The following GXYLT2 variants were observed in gnomAD, a reference collection of about 807,000 sequenced individuals.
GXYLT2 encodes the protein glucoside xylosyltransferase 2, also known as glycosyltransferase 8 domain containing 4.
GXYLT2 carries 53 observed loss-of-function variants against 45.8 expected under a neutral mutation model. The observed-to-expected ratio is 1.16, with a 90% CI of 0.93 to 1.46. The LOEUF is 1.46. Among genes scored for constraint, GXYLT2 ranks in the 40% most tolerant of loss-of-function variants. The pLI is 0.00. For missense variants in GXYLT2, 551 were observed against 544.4 expected (o/e 1.01, Z -0.12); for synonymous variants, 219 against 214.2 (o/e 1.02, Z -0.19).
intron 5 of GXYLT2, among the ~76,000 whole-genome samples, chr3:72,961,186 G>C (rs553287434): frequency 6.2e-4 from 94 of 152,254 alleles, no homozygotes; most frequent in African/African-American, 1.6e-3. Flanking sequence ...CTTCATCAAG[G>C]GGTGGAAAAC....
chr3:72,899,666 T>G (rs544303633), intron 1 of GXYLT2, among the ~76,000 whole-genome samples: 1 of 152,262 alleles, frequency 6.6e-6, no homozygotes, highest in East Asian at 1.9e-4. Flanking sequence ...GCTATAATTA[T>G]CCATCGCCGG....
Position 72,923,137 on chromosome 3 carries a change from C to T in GXYLT2, c.600+802C>T, listed in dbSNP as rs182597019. 2.1e-4 allele frequency among the ~76,000 whole-genome samples: 32 copies of T among 152,218 alleles called. 1 individual carries two copies. Among genetic ancestry groups the T allele is most frequent in the Middle Eastern group, 6.8e-3 (2 of 294 alleles). ...AGGCTTGGTGGTGTATGTCTGTAAT[C>T]CCAGCTACTCAGGAGGCTGAGGCAA... is the stretch of plus-strand genomic sequence containing the variant. On this transcript the variant is annotated intron_variant, in intron 3 of 6. Coordinates refer to ENST00000389617, the MANE Select transcript of GXYLT2 (RefSeq NM_001080393.2).
At position 72,888,164 on chromosome 3, in the gene GXYLT2, A is replaced by T. The variant is rs1709100771; in HGVS notation, c.-70A>T. On this transcript the variant is annotated 5_prime_UTR_variant, in exon 1 of 7. Coordinates refer to ENST00000389617, the MANE Select transcript of GXYLT2 (RefSeq NM_001080393.2). ...GCGACCGCCGCGCGCTGCTGCACTC[A>T]TCCTGCCGCCGCCGCGATGCGCAGA... The T allele has an allele frequency of 7.3e-6, 7 of 964,702 alleles. No homozygotes were observed. The highest frequency in any genetic ancestry group is 1.8e-5 in the African/African-American group (1 of 55,410). 59.8% of individuals were successfully genotyped at this position (964,702 alleles called of 1,614,324 possible). A position where few individuals can be genotyped will look rare whatever the true frequency, so the allele number is the denominator to read the frequency against.
At chr3:72,936,340 T>G (rs1575800365) in intron 3 of GXYLT2, among the ~76,000 whole-genome samples, 1 of 135,122 alleles carries the variant, frequency 7.4e-6, no homozygotes, top group African/African-American at 2.8e-5. Flanking sequence ...AATCAGGAAG[T>G]CGTGGAAGAA....
At chr3:72,963,849 A>AT (rs1710813022) in intron 5 of GXYLT2, among the ~76,000 whole-genome samples, 1 of 151,656 alleles carries the variant, frequency 6.6e-6, no homozygotes, top group Non-Finnish European at 1.5e-5. Context: ...ATTTTTTTGT[A>AT]TTTTTAGTAG....
intron 3 of GXYLT2, among the ~76,000 whole-genome samples, chr3:72,943,490 C>T (rs1279093459): frequency 6.6e-6 from 1 of 151,846 alleles, no homozygotes. Context: ...GATCCTCCCT[C>T]CTCAGCCTCC....
chr3:72,949,621 C>T (rs904264842), intron 3 of GXYLT2, among the ~76,000 whole-genome samples: 6 of 142,262 alleles, frequency 4.2e-5, no homozygotes, highest in Non-Finnish European at 6.0e-5. Flanking sequence ...AGGCGATTCT[C>T]CTGCCTCAGC....
At chr3:72,948,328 G>A (rs997846897) in intron 3 of GXYLT2, among the ~76,000 whole-genome samples, 2 of 152,104 alleles carry the variant, frequency 1.3e-5, no homozygotes, top group African/African-American at 4.8e-5. Context: ...TTTATCAAAT[G>A]TACAGGGAAC....
chr3:72,932,774 G>C (rs1266728430), intron 3 of GXYLT2, among the ~76,000 whole-genome samples: 2 of 152,228 alleles, frequency 1.3e-5, no homozygotes, highest in Non-Finnish European at 2.9e-5. Flanking sequence ...AATATACAAA[G>C]TGTGGCCTTT....
chr3:72,934,080 C>CTT (rs375690427), intron 3 of GXYLT2, among the ~76,000 whole-genome samples: 10 of 121,038 alleles, frequency 8.3e-5, no homozygotes, highest in South Asian at 8.0e-4. Flanking sequence ...TAATTTTATT[C>CTT]TTTTTTTTTT....
At chr3:72,950,008 A>T (rs568977610) in intron 3 of GXYLT2, among the ~76,000 whole-genome samples, 1 of 151,966 alleles carries the variant, frequency 6.6e-6, no homozygotes, top group Non-Finnish European at 1.5e-5. Flanking sequence ...ATGGGTTATC[A>T]ATCCCATTTA....
At chr3:72,963,138 C>T (rs963834599) in intron 5 of GXYLT2, among the ~76,000 whole-genome samples, 17 of 151,446 alleles carry the variant, frequency 1.1e-4, no homozygotes, top group African/African-American at 3.9e-4. Context: ...GTGGCAAGAC[C>T]CCATCTCTAC....
At chr3:72,925,775 C>G (rs947262148) in intron 3 of GXYLT2, among the ~76,000 whole-genome samples, 1 of 152,066 alleles carries the variant, frequency 6.6e-6, no homozygotes, top group Non-Finnish European at 1.5e-5. Flanking sequence ...AAAACAAATT[C>G]ATCACCTAAT....
intron 5 of GXYLT2, among the ~76,000 whole-genome samples, chr3:72,962,554 C>T (rs979733686): frequency 3.3e-5 from 5 of 152,160 alleles, no homozygotes; most frequent in South Asian, 4.1e-4. Context: ...GGAAAAGATG[C>T]ATTTGGTGAA....
intron 5 of GXYLT2, among the ~76,000 whole-genome samples, chr3:72,967,085 T>C (rs577461294): frequency 1.2e-4 from 18 of 152,346 alleles, no homozygotes; most frequent in Admixed American, 5.9e-4. Context: ...CTGCTAACAT[T>C]ATTGAACCAC....
intron 1 of GXYLT2, among the ~76,000 whole-genome samples, chr3:72,891,522 A>G (rs1709182735): frequency 6.6e-6 from 1 of 152,168 alleles, no homozygotes; most frequent in South Asian, 2.1e-4. Flanking sequence ...TATAAAGCCA[A>G]GAGGTAAGTA....
intron 3 of GXYLT2, among the ~76,000 whole-genome samples, chr3:72,925,338 T>C (rs754254228): frequency 6.6e-6 from 1 of 152,030 alleles, no homozygotes; most frequent in Non-Finnish European, 1.5e-5. Flanking sequence ...GTATTTTTAG[T>C]AGAGACAGGG....
At chr3:72,957,778 T>G (rs1184074594) in intron 5 of GXYLT2, among the ~76,000 whole-genome samples, 1 of 152,104 alleles carries the variant, frequency 6.6e-6, no homozygotes, top group Non-Finnish European at 1.5e-5. Context: ...CAAAACATCC[T>G]AGAAAAAGAA....
intron 3 of GXYLT2, among the ~76,000 whole-genome samples, chr3:72,947,456 G>A (rs542378029): frequency 6.6e-6 from 1 of 152,282 alleles, no homozygotes; most frequent in South Asian, 2.1e-4. Context: ...GACGGAGTGT[G>A]TATATCCTAT....
Sources: allele counts gnomAD v4.1 joint callset (sites outside exome capture counted in the v4.1 genomes callset), GRCh38; gene constraint gnomAD v4.1.1; transcripts MANE v1.5; gene names NCBI Gene and HGNC (gene_info 2026-07-23, HGNC 2026-07-21).